The following EARS2 variants were observed in gnomAD, a reference collection of about 807,000 sequenced individuals.
EARS2 encodes the protein nondiscriminating glutamyl-tRNA synthetase EARS2, mitochondrial.
Under a neutral mutation model 54.1 loss-of-function variants are expected in EARS2, and 50 were observed. The ratio of observed to expected loss-of-function variants is 0.92; its 90% CI spans 0.74 to 1.17. EARS2 has a LOEUF of 1.17. Ranked by LOEUF, EARS2 falls within the 50% of genes most tolerant of loss-of-function variation. EARS2 has a pLI of 0.00. For synonymous variants in EARS2, 298 were observed against 281.0 expected, an observed-to-expected ratio of 1.06 and a Z score of -0.61; for missense variants, 673 against 675.0, an observed-to-expected ratio of 1.00 and a Z score of 0.03.
At chr16:23,549,784 G>A (rs1261377804) in intron 2 of EARS2, among the ~76,000 whole-genome samples, 1 of 152,026 alleles carries the variant, frequency 6.6e-6, no homozygotes, top group Non-Finnish European at 1.5e-5. Context: ...CACATCCCTG[G>A]TCATTCTGCT....
intron 3 of EARS2, among the ~76,000 whole-genome samples, chr16:23,539,217 A>G (rs1965474042): frequency 1.3e-5 from 2 of 152,128 alleles, no homozygotes; most frequent in Non-Finnish European, 2.9e-5. Context: ...TTTGCTCATA[A>G]GAGCTAGTAC....
intron 4 of EARS2, among the ~76,000 whole-genome samples, chr16:23,533,185 G>A (rs1965355164): frequency 6.6e-6 from 1 of 152,180 alleles, no homozygotes; most frequent in African/African-American, 2.4e-5. Context: ...TCAGGAAGCT[G>A]AGGCAGGAAA....
At chr16:23,527,397 C>T (rs1172568293) in intron 7 of EARS2, among the ~76,000 whole-genome samples, 1 of 152,164 alleles carries the variant, frequency 6.6e-6, no homozygotes, top group Admixed American at 6.6e-5. Flanking sequence ...CAGGCAACTG[C>T]ATTCCAAAGT....
intron 7 of EARS2, 149 bp downstream of exon 7, chr16:23,529,353 C>T: frequency 9.3e-7 from 1 of 1,080,782 alleles, no homozygotes; most frequent in South Asian, 1.6e-5. Context: ...AAGCCCTCCT[C>T]ACCAGCGAAA....
Position 23,535,371 on chromosome 16 carries a change from G to A in EARS2, c.486-11C>T. ...CACCGATTGTCATACCTGATGGGGA[G>A]CAGAGCAGCATGAGTACTGTTGATG... On this transcript the variant is annotated splice_polypyrimidine_tract_variant and intron_variant, in intron 3 of 8. Coordinates refer to ENST00000449606, the MANE Select transcript of EARS2 (RefSeq NM_001083614.2). The A allele has an allele frequency of 6.3e-7, 1 of 1,594,596 alleles. No individual in the cohort carries two copies. The highest frequency in any genetic ancestry group is 8.5e-7 in the Non-Finnish European group (1 of 1,177,608).
chr16:23,526,008 A>T (rs1022765650), intron 7 of EARS2, among the ~76,000 whole-genome samples: 13 of 151,418 alleles, frequency 8.6e-5, no homozygotes, highest in Admixed American at 2.0e-4. Flanking sequence ...AAAATAAAAA[A>T]AAAAAAATAA....
At chr16:23,531,332 C>T (rs1455550654) in intron 5 of EARS2, among the ~76,000 whole-genome samples, 2 of 151,920 alleles carry the variant, frequency 1.3e-5, no homozygotes, top group Non-Finnish European at 2.9e-5. Flanking sequence ...GCGATCTCGG[C>T]TCACTGCAAG....
intron 4 of EARS2, among the ~76,000 whole-genome samples, chr16:23,534,071 T>C (rs1270631305): frequency 6.7e-6 from 1 of 149,674 alleles, no homozygotes; most frequent in African/African-American, 2.4e-5. Flanking sequence ...AAAAAAAAAG[T>C]TAAGAACCGT....
At chr16:23,526,815 T>C (rs1965236574) in intron 7 of EARS2, among the ~76,000 whole-genome samples, 1 of 152,162 alleles carries the variant, frequency 6.6e-6, no homozygotes, top group South Asian at 2.1e-4. Flanking sequence ...CCAAAAGCTT[T>C]TGTTTCAGGA....
chr16:23,552,080 G>C (rs1048994763), intron 2 of EARS2, 69 bp downstream of exon 2: 3 of 1,560,790 alleles, frequency 1.9e-6, no homozygotes, highest in Admixed American at 3.5e-5. Context: ...TCCATGAGAA[G>C]ACCCACAGGC....
intron 5 of EARS2, among the ~76,000 whole-genome samples, chr16:23,531,105 G>T (rs1318343185): frequency 6.7e-6 from 1 of 149,972 alleles, no homozygotes; most frequent in African/African-American, 2.5e-5. Flanking sequence ...CACCATGTTG[G>T]CCAGGCTGAT....
chr16:23,538,000 T>C (rs1965451367), intron 3 of EARS2, among the ~76,000 whole-genome samples: 1 of 151,682 alleles, frequency 6.6e-6, no homozygotes, highest in Non-Finnish European at 1.5e-5. Flanking sequence ...GCTCACCATG[T>C]TGCGAAGGCT....
chr16:23,528,866 C>T (rs775048021), intron 7 of EARS2, among the ~76,000 whole-genome samples: 1 of 152,196 alleles, frequency 6.6e-6, no homozygotes, highest in Admixed American at 6.5e-5. Flanking sequence ...AATGTACTTC[C>T]ACAAAGGACA....
rs181404180 is a variant in EARS2, at chr16:23,555,732, G to A, written c.139+1473C>T. 3.9e-5 allele frequency among the ~76,000 whole-genome samples: 6 copies of A among 152,244 alleles called. No individual in the cohort carries two copies. The East Asian group carries it at 5.8e-4, about 15-fold the overall frequency. ...GAGATGGAGTCTCACTCTGTCACCC[G>A]GGCTGCAGTGCGGTGGCACGATCTC... On this transcript the variant is annotated intron_variant, in intron 1 of 8. Coordinates refer to ENST00000449606, the MANE Select transcript of EARS2 (RefSeq NM_001083614.2).
chr16:23,543,001 G>C (rs1965540452), intron 3 of EARS2, among the ~76,000 whole-genome samples: 1 of 150,818 alleles, frequency 6.6e-6, no homozygotes, highest in African/African-American at 2.4e-5. Flanking sequence ...TGTAGTCCCA[G>C]CTACACAGGA....
intron 3 of EARS2, among the ~76,000 whole-genome samples, chr16:23,539,454 G>A (rs1342708730): frequency 6.6e-6 from 1 of 152,136 alleles, no homozygotes; most frequent in Non-Finnish European, 1.5e-5. Context: ...CAGCTTGTAT[G>A]AAAACTGAGC....
intron 1 of EARS2, chr16:23,556,726 T>C: frequency 2.7e-6 from 1 of 364,084 alleles, no homozygotes; most frequent in South Asian, 2.1e-5. Flanking sequence ...TCAGCTCAAA[T>C]GTTACCTGCT....
At chr16:23,557,060 G>C (rs1327561345) in intron 1 of EARS2, 145 bp downstream of exon 1, 1 of 1,247,188 alleles carries the variant, frequency 8.0e-7, no homozygotes, top group African/African-American at 1.5e-5. Flanking sequence ...CTCAGTTTCC[G>C]CCTCTGTAAA....
At chr16:23,556,764 T>C (rs1965795186) in intron 1 of EARS2, 1 of 394,050 alleles carries the variant, frequency 2.5e-6, no homozygotes, top group African/African-American at 2.1e-5. Context: ...GCGTCCTTCT[T>C]AATCCCCAGT....
Sources: allele counts gnomAD v4.1 joint callset (sites outside exome capture counted in the v4.1 genomes callset), GRCh38; gene constraint gnomAD v4.1.1; transcripts MANE v1.5; gene names NCBI Gene and HGNC (gene_info 2026-07-23, HGNC 2026-07-21).